CDKL3: variants seen among roughly 807,000 people sequenced by gnomAD.
CDKL3 encodes the protein cyclin-dependent kinase-like 3.
In CDKL3, 65 loss-of-function variants were observed where a neutral mutation model predicts 69.3. The observed-to-expected ratio is 0.94, with a 90% CI of 0.77 to 1.15. The LOEUF (loss-of-function observed/expected upper bound fraction) is 1.15, where lower values mean the gene tolerates loss of function less well. Among genes scored for constraint, CDKL3 ranks in the 50% most tolerant of loss-of-function variants. CDKL3 has a pLI of 0.00. For missense variants in CDKL3, 652 were observed against 689.2 expected (o/e 0.95, Z 0.61); for synonymous variants, 202 against 221.6 (o/e 0.91, Z 0.79).
intron 3 of CDKL3, among the ~76,000 whole-genome samples, chr5:134,358,530 C>CT (rs57776279): frequency 0.13 from 20,313 of 151,674 alleles, 1,625 homozygotes; most frequent in African/African-American, 0.21. Flanking sequence ...TTTTCTTTTC[C>CT]TTTTTTTTCT....
Position 134,353,038 on chromosome 5 carries a change from TA to T in CDKL3, c.361-2612del, listed in dbSNP as rs33942560. Among the ~76,000 whole-genome samples, 619 of 152,342 alleles carry T rather than the reference TA, an allele frequency of 4.1e-3. 5 individuals are homozygous for T. The highest frequency in any genetic ancestry group is 0.013 in the African/African-American group (552 of 41,586). ...GAACTTTTCCCACGTTTTCTTCTAG[TA>T]GTTTAACAGTTTCAGATCTTACAAT... On this transcript the variant is annotated intron_variant, in intron 3 of 12. Transcript: ENST00000265334.
chr5:134,342,854 A>G (rs1275788102), intron 4 of CDKL3, among the ~76,000 whole-genome samples: 3 of 152,124 alleles, frequency 2.0e-5, no homozygotes, highest in African/African-American at 7.2e-5. Flanking sequence ...AAAAGTAAAT[A>G]AAGTAGAAAG....
intron 2 of CDKL3, among the ~76,000 whole-genome samples, chr5:134,362,036 T>C (rs1005841096): frequency 6.6e-5 from 10 of 152,342 alleles, no homozygotes; most frequent in African/African-American, 2.4e-4. Context: ...ATAAGCATTG[T>C]AGAAGATCCA....
chr5:134,286,748 G>T (rs1764884066), intron 8 of CDKL3, among the ~76,000 whole-genome samples: 1 of 152,096 alleles, frequency 6.6e-6, no homozygotes. Flanking sequence ...GATCTCATGA[G>T]ACTTACTATT....
downstream of CDKL3, among the ~76,000 whole-genome samples, chr5:134,293,970 G>A (rs1034014862): frequency 1.3e-5 from 2 of 151,814 alleles, no homozygotes; most frequent in African/African-American, 4.8e-5. Context: ...AAAATTAGCT[G>A]GGCATGGGGC....
chr5:134,335,696 T>TA (rs1220336906), intron 4 of CDKL3, among the ~76,000 whole-genome samples: 1 of 152,204 alleles, frequency 6.6e-6, no homozygotes, highest in African/African-American at 2.4e-5. Context: ...GATCCACTGT[T>TA]AGTCTGATGA....
intron 4 of CDKL3, among the ~76,000 whole-genome samples, chr5:134,347,007 A>G (rs916753743): frequency 6.6e-6 from 1 of 152,200 alleles, no homozygotes; most frequent in African/African-American, 2.4e-5. Context: ...AGGTAACCAA[A>G]TAAGGGGAAA....
At position 134,319,478 on chromosome 5, in the gene CDKL3, C is replaced by A; in HGVS notation, c.672G>T (p.Leu224Phe). The stretch of plus-strand genomic sequence containing the variant: ...TGGGGCTCTTGGAAAAGATATTCTG[C>A]AAGTGAGGTGACAAATTGCCTGAAA... ...VLKVGNLSPH[L>F]QNIFSKSPIF... The change falls in exon 6 of 13, where the codon TTG becomes TTT. Residue 224 changes from leucine to phenylalanine, a missense_variant. Coordinates refer to ENST00000265334, the MANE Select transcript of CDKL3 (RefSeq NM_001113575.2). 1 of 1,527,440 alleles carries A rather than the reference C, an allele frequency of 6.5e-7. No individual in the cohort carries two copies. The allele number at this position is 1,527,440 out of a possible 1,614,324, so 94.6% of individuals were successfully genotyped here.
intron 10 of CDKL3, 94 bp from the exon 11 acceptor site, chr5:134,304,661 T>C (rs1266717143): frequency 2.2e-5 from 19 of 863,686 alleles, no homozygotes; most frequent in Non-Finnish European, 3.0e-5. Context: ...TGGTATAAGA[T>C]AGACATAACA....
intron 4 of CDKL3, among the ~76,000 whole-genome samples, chr5:134,343,034 G>A (rs72798607): frequency 0.031 from 4,666 of 152,062 alleles, 98 homozygotes; most frequent in Middle Eastern, 0.045. Context: ...GTGAAATCCC[G>A]TCTCTACAAA....
chr5:134,293,597 A>G (rs1348906174), downstream of CDKL3, among the ~76,000 whole-genome samples: 1 of 151,998 alleles, frequency 6.6e-6, no homozygotes, highest in Non-Finnish European at 1.5e-5. Flanking sequence ...GGAGTTCAAG[A>G]CCAGCTGGGG....
intron 8 of CDKL3, among the ~76,000 whole-genome samples, chr5:134,289,163 T>TAAAAAAAAAAAAAAAAAAAATAAAAA (rs1765009862): frequency 1.2e-5 from 1 of 80,320 alleles, no homozygotes; most frequent in African/African-American, 4.0e-5. Context: ...CCCTGTCTCA[T>TAAAAAAAAAAAAAAAAAAAATAAAAA]AAAAAAAAAA....
intron 4 of CDKL3, among the ~76,000 whole-genome samples, chr5:134,323,281 T>C (rs183822689): frequency 3.3e-5 from 5 of 152,336 alleles, no homozygotes; most frequent in African/African-American, 7.2e-5. Context: ...ACAACGTATA[T>C]ATATACCTCA....
At chr5:134,364,868 G>C (rs897739628) in intron 2 of CDKL3, among the ~76,000 whole-genome samples, 3 of 151,298 alleles carry the variant, frequency 2.0e-5, no homozygotes, top group African/African-American at 7.3e-5. Flanking sequence ...GTGCAGTGGC[G>C]TGATCTCGGC....
chr5:134,296,952 C>CTTTTTTTTTTT (rs111349325), downstream of CDKL3, among the ~76,000 whole-genome samples: 2 of 131,294 alleles, frequency 1.5e-5, no homozygotes. Context: ...CTTTTCTTTT[C>CTTTTTTTTTTT]TTTTTTTTTT....
intron 5 of CDKL3, among the ~76,000 whole-genome samples, chr5:134,320,373 T>C (rs564254162): frequency 2.3e-4 from 35 of 152,230 alleles, no homozygotes; most frequent in Non-Finnish European, 4.1e-4. Flanking sequence ...CCCAGCACTT[T>C]GGGAGGCCGA....
intron 4 of CDKL3, among the ~76,000 whole-genome samples, chr5:134,335,009 C>CAT (rs757870964): frequency 2.6e-4 from 40 of 152,186 alleles, no homozygotes; most frequent in Admixed American, 4.6e-4. Flanking sequence ...GTGTTGGGTG[C>CAT]ATATATATTT....
At chr5:134,315,464 T>C (rs1054570338) in intron 6 of CDKL3, among the ~76,000 whole-genome samples, 4 of 152,058 alleles carry the variant, frequency 2.6e-5, no homozygotes, top group Non-Finnish European at 5.9e-5. Flanking sequence ...CCCAAATAGC[T>C]AGGACTACAA....
chr5:134,326,959 G>C (rs1300930208), intron 4 of CDKL3, among the ~76,000 whole-genome samples: 1 of 150,896 alleles, frequency 6.6e-6, no homozygotes, highest in Non-Finnish European at 1.5e-5. Context: ...GTATAAGAAA[G>C]ATGAGTCTGT....
Sources: gnomAD v4.1 joint callset for allele counts (sites outside exome capture counted in the v4.1 genomes callset) on GRCh38, gnomAD v4.1.1 for gene constraint, MANE v1.5 for transcripts, NCBI Gene and HGNC (gene_info 2026-07-23, HGNC 2026-07-21) for gene names.